ULK1: variants seen among roughly 807,000 people sequenced by gnomAD.
The protein encoded by ULK1 is unc-51 like autophagy activating kinase 1, also known as serine/threonine-protein kinase ULK1.
In ULK1, 48 loss-of-function variants were observed where a neutral mutation model predicts 117.5. The observed-to-expected ratio is 0.41, with a 90% confidence interval of 0.32 to 0.52. The LOEUF is 0.52. ULK1 is among the 20% of genes least tolerant of loss of function. The pLI, the probability that ULK1 is intolerant of heterozygous loss-of-function variation, is 0.29. For synonymous variants in ULK1, 790 were observed against 637.8 expected (o/e 1.24, Z -3.60); for missense variants, 1,387 against 1,473.4 (o/e 0.94, Z 0.96).
chr12:131,916,725 T>A, intron 20 of ULK1, 134 bp downstream of exon 20: 1 of 1,251,016 alleles, frequency 8.0e-7, no homozygotes, highest in Non-Finnish European at 1.1e-6. Flanking sequence ...CCAGTGTGGC[T>A]GGGTGCCAGA....
chr12:131,911,302 C>T (rs975213481), intron 12 of ULK1, among the ~76,000 whole-genome samples: 1 of 152,194 alleles, frequency 6.6e-6, no homozygotes, highest in Non-Finnish European at 1.5e-5. Context: ...GTGATGAGTT[C>T]ATGTCTGGGC....
At position 131,920,076 on chromosome 12, in the gene ULK1, C is replaced by G. The variant is rs1198264485; in HGVS notation, c.2901C>G (p.Leu967=). The stretch of plus-strand genomic sequence containing the variant: ...GCTTCTTCCTGGACAAGCAGCGGCT[C>G]CTGGACCGCATTCACAGCATCACTG... The part of the protein sequence containing the change: ...LQRFFLDKQR[L]LDRIHSITAE... Residue 967 remains leucine (L), a synonymous_variant, in exon 26 of 28, where the codon CTC becomes CTG. Transcript: ENST00000321867. 6.2e-7 allele frequency: 1 copy of G among 1,612,836 alleles called. No individual in the cohort carries two copies. The highest frequency in any genetic ancestry group is 1.7e-5 in the Admixed American group (1 of 60,024).
In ULK1 at chr12:131,920,061, G is replaced by A. The variant is rs571851985; in HGVS notation, c.2886G>A (p.Leu962=). 7.4e-6 allele frequency: 12 copies of A among 1,612,806 alleles called. No homozygotes were observed. The East Asian group carries it at 2.5e-4, about 33-fold the overall frequency. The change falls in exon 26 of 28, where the codon CTG becomes CTA. Residue 962 remains leucine (L), a synonymous_variant. Coordinates refer to ENST00000321867, the MANE Select transcript of ULK1 (RefSeq NM_003565.4). ...GCCTGCGGCTGCAGCGCTTCTTCCTGGACAAGCAGCGGCTCCTGGACCGCA... is the reference window on the plus strand; with the variant it reads ...GCCTGCGGCTGCAGCGCTTCTTCCTAGACAAGCAGCGGCTCCTGGACCGCA... ...GLSLRLQRFF[L]DKQRLLDRIH...
intron 16 of ULK1, among the ~76,000 whole-genome samples, chr12:131,914,780 G>A (rs888090807): frequency 6.6e-6 from 1 of 152,236 alleles, no homozygotes; most frequent in Admixed American, 6.5e-5. Flanking sequence ...AGAAGGCTGT[G>A]TGGGCCAGTG....
At chr12:131,920,877 G>T in intron 26 of ULK1, 1 of 602,226 alleles carries the variant, frequency 1.7e-6, no homozygotes. Context: ...TCCTGGGGCC[G>T]GGCTGAGAGC....
chr12:131,915,853 C>T (rs377661051), intron 18 of ULK1, 38 bp from the exon 19 acceptor site: 94 of 1,602,508 alleles, frequency 5.9e-5, no homozygotes, highest in East Asian at 8.9e-5. Context: ...GCTGGGCCGC[C>T]GGACCGGAAG....
rs374632989 is a variant in ULK1 at position 131,920,182 on chromosome 12, A to G, written c.2961+46A>G. On this transcript the variant is annotated intron_variant, in intron 26 of 27. Transcript: ENST00000321867. ...AGTGGGGCAGGGGCCAGGAACTTCC[A>G]GGCCCGCCGTCTCCACTGGGACGGG... The G allele has an allele frequency of 3.4e-5, 54 of 1,591,424 alleles. No homozygotes were observed. In the African/African-American group the frequency reaches 6.8e-4, roughly 20 times the overall value.
chr12:131,911,350 G>A (rs1042620134), intron 12 of ULK1, among the ~76,000 whole-genome samples: 6 of 152,304 alleles, frequency 3.9e-5, no homozygotes, highest in African/African-American at 7.2e-5. Flanking sequence ...ACCAGGGACC[G>A]GTCCTCTGAC....
intron 3 of ULK1, among the ~76,000 whole-genome samples, chr12:131,901,953 G>A (rs1036062924): frequency 5.5e-4 from 84 of 152,260 alleles, no homozygotes; most frequent in Admixed American, 5.4e-3. Flanking sequence ...CCTCAGAAGG[G>A]TTGGGCCACC....
At chr12:131,897,014 C>T (rs117417590) in intron 3 of ULK1, 3,298 of 152,758 alleles carry the variant, frequency 0.022, 165 homozygotes, top group South Asian at 0.097. Flanking sequence ...CCCGCAGACC[C>T]GGGACCAGTA....
Position 131,908,638 on chromosome 12 carries a change from C to A in ULK1, c.317-6C>A. 1.3e-6 allele frequency: 2 copies of A among 1,500,814 alleles called. No individual in the cohort carries two copies. Among genetic ancestry groups the A allele is most frequent in the East Asian group, 2.4e-5 (1 of 41,710 alleles). 93.0% of individuals were successfully genotyped at this position (1,500,814 alleles called of 1,614,324 possible). A position where few individuals can be genotyped will look rare whatever the true frequency, so the allele number is the denominator to read the frequency against. ...CCCCCAGGCCCTGAGCCGCCTCTCC[C>A]CGCAGCCATGCGCACGCTGAGCGAG... On this transcript the variant is annotated splice_polypyrimidine_tract_variant and splice_region_variant and intron_variant, in intron 5 of 27. Coordinates refer to ENST00000321867, the MANE Select transcript of ULK1 (RefSeq NM_003565.4).
Position 131,917,030 on chromosome 12 carries a change from C to T in ULK1, c.2150C>T (p.Thr717Met), listed in dbSNP as rs200524201. ...ACACAAGCCCCGGACCCGGGCAGCA[C>T]GGAGAGCCTGCAGGAGAAGCCCATG... The part of the protein sequence containing the change: ...FGTQAPDPGS[T>M]ESLQEKPMEI... Residue 717 changes from threonine (T) to methionine (M), a missense_variant, in exon 21 of 28, where the codon ACG becomes ATG. Physicochemically the swap from Thr to Met is moderately conservative, Grantham distance 81 (BLOSUM62 -1). Around this residue, in one of 4 missense-constraint regions of ULK1, gnomAD observed 900 missense variants for 858.9 expected, o/e 1.05. Transcript: ENST00000321867. 384 of 1,419,250 alleles carry T rather than the reference C, an allele frequency of 2.7e-4. 3 individuals carry two copies. Among genetic ancestry groups the T allele is most frequent in the African/African-American group, 6.9e-4 (42 of 61,268 alleles). The allele number at this position is 1,419,250 out of a possible 1,614,324, so 87.9% of individuals were successfully genotyped here.
chr12:131,917,341 C>CGA, intron 21 of ULK1, 70 bp from the exon 22 acceptor site: 2 of 921,736 alleles, frequency 2.2e-6, no homozygotes, highest in Non-Finnish European at 1.3e-6. Flanking sequence ...GGGTCGGGTT[C>CGA]GGCTCGGAGG....
At position 131,910,702 on chromosome 12, in the gene ULK1, T is replaced by A. The variant is rs760166758; in HGVS notation, c.860-10T>A. ...GATGGCCCAGACTGACCTATGCATG[T>A]TTATCTCAGCCCCACCCGTGCCTGT... On this transcript the variant is annotated splice_polypyrimidine_tract_variant and intron_variant, in intron 11 of 27. Coordinates refer to ENST00000321867, the MANE Select transcript of ULK1 (RefSeq NM_003565.4). 3 of 1,612,896 alleles carry A rather than the reference T, an allele frequency of 1.9e-6. No homozygotes were observed. In the African/African-American group the frequency reaches 4.0e-5, roughly 22 times the overall value.
At position 131,917,065 on chromosome 12, in the gene ULK1, G is replaced by C; in HGVS notation, c.2182+3G>C. On this transcript the variant is annotated splice_donor_region_variant and intron_variant, in intron 21 of 27. Coordinates refer to ENST00000321867, the MANE Select transcript of ULK1 (RefSeq NM_003565.4). ...GCAGGAGAAGCCCATGGAGATCGGT[G>C]TGTGGGTGGGTGGGGCTCGGAGGCT... The C allele has an allele frequency of 7.2e-7, 1 of 1,379,820 alleles. No individual in the cohort carries two copies. The allele number at this position is 1,379,820 out of a possible 1,614,324, so 85.5% of individuals were successfully genotyped here.
rs1313236388 is a variant in ULK1 at position 131,917,425 on chromosome 12, T to C, written c.2197T>C (p.Phe733Leu). The change falls in exon 22 of 28, where the codon TTT becomes CTT. Residue 733 changes from phenylalanine to leucine, a missense_variant. By Grantham distance (22) the Phe-to-Leu change is conservative. Transcript: ENST00000321867. ...TGCTCTCCCAGCACCCTCAGCTGGC[T>C]TTGGAGGGAGCCTGCACCCAGGAGC... ...KPMEIAPSAGFGGSLHPGARA... is the reference protein window; with the variant it reads ...KPMEIAPSAGLGGSLHPGARA... 6 of 1,533,228 alleles carry C rather than the reference T, an allele frequency of 3.9e-6. No homozygotes were observed. Among genetic ancestry groups the C allele is most frequent in the Non-Finnish European group, 5.3e-6 (6 of 1,141,722 alleles). The allele number at this position is 1,533,228 out of a possible 1,614,324, so 95.0% of individuals were successfully genotyped here.
At chr12:131,908,382 C>T (rs987527766) in intron 5 of ULK1, among the ~76,000 whole-genome samples, 1 of 152,080 alleles carries the variant, frequency 6.6e-6, no homozygotes, top group African/African-American at 2.4e-5. Context: ...GGCTGGGCTT[C>T]GGCGGCCTCC....
chr12:131,915,858 C>A, intron 18 of ULK1, 33 bp from the exon 19 acceptor site: 1 of 1,603,914 alleles, frequency 6.2e-7, no homozygotes, highest in Non-Finnish European at 8.5e-7. Context: ...GCCGCCGGAC[C>A]GGAAGGTCGT....
intron 22 of ULK1, among the ~76,000 whole-genome samples, chr12:131,917,936 G>A (rs947930731): frequency 1.2e-4 from 19 of 152,192 alleles, no homozygotes; most frequent in African/African-American, 2.9e-4. Context: ...CGTGCCCCTC[G>A]GTTCCCCAGC....
Sources: allele counts gnomAD v4.1 joint callset (sites outside exome capture counted in the v4.1 genomes callset), GRCh38; gene constraint gnomAD v4.1.1; regional missense constraint gnomAD v4.1.1; transcripts MANE v1.5; gene names NCBI Gene and HGNC (gene_info 2026-07-23, HGNC 2026-07-21).